Variants in PPP2R2B observed in about 807,000 individuals in gnomAD.
The protein encoded by PPP2R2B is protein phosphatase 2 regulatory subunit Bbeta.
Under a neutral mutation model 46.0 loss-of-function variants are expected in PPP2R2B, and 5 were observed. The ratio of observed to expected loss-of-function variants is 0.11; its 90% CI spans 0.06 to 0.23. PPP2R2B has a LOEUF of 0.23. Among genes scored for constraint, PPP2R2B ranks in the 10% least tolerant of loss-of-function variants. The probability of loss-of-function intolerance (pLI) is 1.00; values close to 1 mark genes in which losing one functional copy is unlikely to be tolerated. For synonymous variants in PPP2R2B, 215 were observed against 206.7 expected (o/e 1.04, Z -0.34); for missense variants, 367 against 575.0 (o/e 0.64, Z 3.70).
intron 1 of PPP2R2B, among the ~76,000 whole-genome samples, chr5:146,956,907 C>T (rs113116286): frequency 1.1e-4 from 16 of 152,216 alleles, no homozygotes; most frequent in African/African-American, 3.4e-4. Context: ...GGCATTAATC[C>T]CATTTATTAG....
intron 4 of PPP2R2B, among the ~76,000 whole-genome samples, chr5:146,693,153 C>CTTCT (rs565046504): frequency 4.6e-5 from 7 of 151,112 alleles, no homozygotes; most frequent in African/African-American, 1.7e-4. Context: ...TTTTTCCTTC[C>CTTCT]TTCTTTCTTT....
chr5:146,825,329 C>G (rs879844978), intron 2 of PPP2R2B, among the ~76,000 whole-genome samples: 1 of 152,188 alleles, frequency 6.6e-6, no homozygotes, highest in African/African-American at 2.4e-5. Flanking sequence ...GTGCAGTGGC[C>G]CACACTTCCA....
chr5:146,609,441 G>GA (rs1199307182), intron 7 of PPP2R2B, among the ~76,000 whole-genome samples: 1 of 152,198 alleles, frequency 6.6e-6, no homozygotes, highest in African/African-American at 2.4e-5. Flanking sequence ...TCTTGTATTT[G>GA]AAAAAACTTA....
chr5:147,074,596 ATT>A (rs1250947756), intron 2 of PPP2R2B, among the ~76,000 whole-genome samples: 1 of 152,004 alleles, frequency 6.6e-6, no homozygotes, highest in Non-Finnish European at 1.5e-5. Context: ...TTATTTATTT[ATT>A]TTTTTTCTGG....
rs561599397 is a variant in PPP2R2B at position 147,001,362 on chromosome 5, C to T, written c.79+54303G>A. Among the ~76,000 whole-genome samples the T allele has an allele frequency of 3.2e-4, 49 of 152,178 alleles. No individual in the cohort carries two copies. The South Asian group carries it at 7.7e-3, about 24-fold the overall frequency. On this transcript the variant is annotated intron_variant, in intron 1 of 8. Transcript: ENST00000336640. ...TCTGTGGCTTCACTCCTGAAGTCAG[C>T]GAGATGATGAACCCACCAGGAGGAA...
At chr5:146,744,720 A>G (rs1394653614) in intron 2 of PPP2R2B, among the ~76,000 whole-genome samples, 2 of 152,210 alleles carry the variant, frequency 1.3e-5, no homozygotes, top group Non-Finnish European at 2.9e-5. Flanking sequence ...ACAAAGAACA[A>G]CACATTTTAC....
In PPP2R2B at chr5:146,698,064, C is replaced by T. The variant is rs1561841096; in HGVS notation, c.249G>A (p.Leu83=). 1.2e-6 allele frequency: 2 copies of T among 1,613,208 alleles called. No homozygotes were observed. Among genetic ancestry groups the T allele is most frequent in the Admixed American group, 1.7e-5 (1 of 59,928 alleles). Residue 83 remains leucine, a synonymous_variant, in exon 4 of 10, where the codon CTG becomes CTA. Transcript: ENST00000394411. The stretch of plus-strand genomic sequence containing the variant: ...TTTTTTCTTCTATTTCTAAACTCTT[C>T]AGGTAATCGAACTCGGGTTCATGGC... ...FQSHEPEFDY[L]KSLEIEEKIN...
chr5:146,749,889 C>T (rs991275175), intron 2 of PPP2R2B, among the ~76,000 whole-genome samples: 3 of 152,060 alleles, frequency 2.0e-5, no homozygotes, highest in East Asian at 1.9e-4. Context: ...TGAGCCACTG[C>T]GCCTGGCCAA....
At chr5:147,010,685 C>G (rs534309599) in intron 1 of PPP2R2B, among the ~76,000 whole-genome samples, 3 of 152,230 alleles carry the variant, frequency 2.0e-5, no homozygotes, top group Admixed American at 6.5e-5. Flanking sequence ...TTTGCTTGCC[C>G]GCCGCTCACC....
At chr5:146,732,704 C>T (rs1320460561) in intron 2 of PPP2R2B, among the ~76,000 whole-genome samples, 1 of 152,128 alleles carries the variant, frequency 6.6e-6, no homozygotes, top group Non-Finnish European at 1.5e-5. Flanking sequence ...TAGGAATATG[C>T]AAATCAATAG....
At chr5:146,704,152 A>T (rs1779697709) in intron 2 of PPP2R2B, among the ~76,000 whole-genome samples, 2 of 152,300 alleles carry the variant, frequency 1.3e-5, no homozygotes, top group South Asian at 4.1e-4. Context: ...TTCATCTATG[A>T]CTGTTTAATA....
Position 146,946,496 on chromosome 5 carries a change from C to T in PPP2R2B, c.79+109169G>A, listed in dbSNP as rs193247512. On this transcript the variant is annotated intron_variant, in intron 1 of 8. Coordinates refer to the PPP2R2B transcript ENST00000336640. ...ACTTTTCTGAGTCCCAAGTCTGTTG[C>T]TTAGTCTCAGCATCTCTGATGACTG... Among the ~76,000 whole-genome samples the T allele has an allele frequency of 3.4e-3, 511 of 152,216 alleles. 2 individuals are homozygous for T. The highest frequency in any genetic ancestry group is 0.012 in the African/African-American group (478 of 41,536).
At chr5:146,897,744 AAGG>A (rs1762692164) in intron 1 of PPP2R2B, among the ~76,000 whole-genome samples, 1 of 152,222 alleles carries the variant, frequency 6.6e-6, no homozygotes, top group Admixed American at 6.5e-5. Flanking sequence ...AAACATTTAA[AAGG>A]AGAATAAACC....
chr5:146,726,203 T>C (rs530526285), intron 2 of PPP2R2B, among the ~76,000 whole-genome samples: 1 of 151,938 alleles, frequency 6.6e-6, no homozygotes, highest in South Asian at 2.1e-4. Flanking sequence ...CATCCCCACC[T>C]CTCAGAGCCT....
intron 1 of PPP2R2B, among the ~76,000 whole-genome samples, chr5:146,951,180 T>A (rs1764641329): frequency 6.6e-6 from 1 of 151,934 alleles, no homozygotes. Context: ...CTTTTTTGTT[T>A]GTTTTTTTTT....
At chr5:146,947,049 A>G (rs868414161) in intron 1 of PPP2R2B, among the ~76,000 whole-genome samples, 1 of 94,024 alleles carries the variant, frequency 1.1e-5, no homozygotes, top group South Asian at 3.0e-4. Flanking sequence ...TTTCAGCCCC[A>G]AGGAACCAGA....
At chr5:146,812,817 A>ATATATG (rs1757699241) in intron 2 of PPP2R2B, among the ~76,000 whole-genome samples, 5 of 75,084 alleles carry the variant, frequency 6.7e-5, no homozygotes, top group South Asian at 4.5e-4. Context: ...ATATATATAT[A>ATATATG]TATATATATA....
At chr5:147,013,220 C>T (rs537182577) in intron 1 of PPP2R2B, among the ~76,000 whole-genome samples, 2 of 112,668 alleles carry the variant, frequency 1.8e-5, no homozygotes, top group East Asian at 4.2e-4. Context: ...AACCACTGCT[C>T]AAGGAAATAA....
At chr5:146,942,582 A>G (rs757361773) in intron 1 of PPP2R2B, among the ~76,000 whole-genome samples, 13 of 152,196 alleles carry the variant, frequency 8.5e-5, no homozygotes, top group Non-Finnish European at 1.8e-4. Flanking sequence ...GCATTTTTAT[A>G]CATATTATCA....
Sources: gnomAD v4.1 joint callset for allele counts (sites outside exome capture counted in the v4.1 genomes callset) on GRCh38, gnomAD v4.1.1 for gene constraint, MANE v1.5 for transcripts, NCBI Gene and HGNC (gene_info 2026-07-23, HGNC 2026-07-21) for gene names.